USP12: variants seen among roughly 807,000 people sequenced by gnomAD.
USP12 encodes the protein ubiquitin carboxyl-terminal hydrolase 12.
In USP12, 19 loss-of-function variants were observed where a neutral mutation model predicts 45.5. The ratio of observed to expected loss-of-function variants is 0.42; its 90% CI spans 0.29 to 0.61. The LOEUF (loss-of-function observed/expected upper bound fraction) is 0.61. Among genes scored for constraint, USP12 ranks in the 20% least tolerant of loss-of-function variants. The probability of loss-of-function intolerance (pLI) is 0.22; values close to 1 mark genes in which losing one functional copy is unlikely to be tolerated. For missense variants in USP12, 242 were observed against 447.7 expected, an observed-to-expected ratio of 0.54 and a Z score of 4.15; for synonymous variants, 149 against 148.8, an observed-to-expected ratio of 1.00 and a Z score of -0.01.
chr13:27,103,784 A>C (rs1280404451), intron 3 of USP12, among the ~76,000 whole-genome samples: 3 of 150,406 alleles, frequency 2.0e-5, no homozygotes, highest in Admixed American at 6.6e-5. Flanking sequence ...AGAGAGAGAA[A>C]GAGATGAAAA....
chr13:27,099,391 G>A (rs1473141958), intron 3 of USP12, among the ~76,000 whole-genome samples: 2 of 152,096 alleles, frequency 1.3e-5, no homozygotes. Context: ...TCGCTATGTT[G>A]TCCAGGCTGA....
At chr13:27,131,955 A>G (rs1030146606) in intron 1 of USP12, among the ~76,000 whole-genome samples, 1 of 151,788 alleles carries the variant, frequency 6.6e-6, no homozygotes, top group Admixed American at 6.5e-5. Context: ...CTCTCCTTCC[A>G]CAGGCCACCT....
intron 1 of USP12, among the ~76,000 whole-genome samples, chr13:27,159,613 T>C (rs1228082406): frequency 1.3e-5 from 2 of 152,224 alleles, no homozygotes; most frequent in Admixed American, 6.5e-5. Flanking sequence ...CTGTTCTAGA[T>C]TTATCATCTA....
intron 1 of USP12, chr13:27,170,414 G>T: frequency 2.5e-6 from 1 of 398,194 alleles, no homozygotes. Context: ...GCATAAATAG[G>T]GCCAGTGAGG....
chr13:27,149,630 G>A (rs976159922), intron 1 of USP12, among the ~76,000 whole-genome samples: 2 of 152,188 alleles, frequency 1.3e-5, no homozygotes, highest in African/African-American at 4.8e-5. Context: ...GATGTGGGGG[G>A]TGGGAGGAGT....
At chr13:27,142,965 C>T (rs866713997) in intron 1 of USP12, among the ~76,000 whole-genome samples, 17 of 151,968 alleles carry the variant, frequency 1.1e-4, no homozygotes, top group Non-Finnish European at 2.5e-4. Flanking sequence ...TGGTGCCACA[C>T]GCCTGTAGTC....
intron 1 of USP12, among the ~76,000 whole-genome samples, chr13:27,162,319 GA>G (rs1379780503): frequency 5.9e-5 from 9 of 152,154 alleles, no homozygotes; most frequent in African/African-American, 1.9e-4. Flanking sequence ...GAAAAGTCAG[GA>G]ATAAAAATTC....
chr13:27,158,713 G>T (rs1001224092), intron 1 of USP12, among the ~76,000 whole-genome samples: 1 of 151,964 alleles, frequency 6.6e-6, no homozygotes, highest in African/African-American at 2.4e-5. Context: ...ACAGTTTCTG[G>T]CACTTTGTTA....
intron 6 of USP12, among the ~76,000 whole-genome samples, chr13:27,087,885 C>T (rs1020314309): frequency 2.6e-5 from 4 of 152,160 alleles, no homozygotes; most frequent in Non-Finnish European, 5.9e-5. Flanking sequence ...AAACAGGAAC[C>T]TTTGGGTCCA....
intron 4 of USP12, among the ~76,000 whole-genome samples, chr13:27,090,621 T>C (rs2137771227): frequency 6.6e-6 from 1 of 152,330 alleles, no homozygotes; most frequent in South Asian, 2.1e-4. Context: ...AAAAATTTAA[T>C]ATAAAGTTTT....
chr13:27,114,625 T>C (rs1875624706), intron 2 of USP12, among the ~76,000 whole-genome samples: 1 of 152,282 alleles, frequency 6.6e-6, no homozygotes, highest in Admixed American at 6.5e-5. Flanking sequence ...ATAAGAGCCA[T>C]TATCTGTGAC....
rs987043234 is a variant in USP12, at chr13:27,067,376, C to T, written c.*1907G>A. ...CCACTTCCACTGCCCTGACTTTCCC[C>T]ACACTGTTGATTGTGATTCTCTGTG... On this transcript the variant is annotated 3_prime_UTR_variant, in exon 9 of 9. Coordinates refer to ENST00000282344, the MANE Select transcript of USP12 (RefSeq NM_182488.4). 4.6e-5 allele frequency: 7 copies of T among 152,134 alleles called. No individual in the cohort carries two copies. The highest frequency in any genetic ancestry group is 3.3e-4 in the Admixed American group (5 of 15,264). 9.4% of individuals were successfully genotyped at this position (152,134 alleles called of 1,614,324 possible). A position where few individuals can be genotyped will look rare whatever the true frequency, so the allele number is the denominator to read the frequency against.
At chr13:27,092,660 C>A (rs1295297705) in intron 4 of USP12, among the ~76,000 whole-genome samples, 2 of 152,088 alleles carry the variant, frequency 1.3e-5, no homozygotes, top group Non-Finnish European at 2.9e-5. Flanking sequence ...AGATGGACAT[C>A]CACATGCAAA....
At chr13:27,115,155 A>G (rs1875667336) in intron 2 of USP12, among the ~76,000 whole-genome samples, 1 of 152,174 alleles carries the variant, frequency 6.6e-6, no homozygotes. Context: ...GAATCTCTCC[A>G]GGGGATAAAG....
chr13:27,171,489 C>CCG, intron 1 of USP12, 103 bp downstream of exon 1: 1 of 114,300 alleles, frequency 8.7e-6, no homozygotes, highest in Non-Finnish European at 1.7e-5. Context: ...CCGCCCGCCC[C>CCG]GGCGCTAGGC....
chr13:27,088,762 G>A (rs942145729), intron 6 of USP12, among the ~76,000 whole-genome samples: 2 of 152,122 alleles, frequency 1.3e-5, no homozygotes, highest in African/African-American at 4.8e-5. Context: ...GTGCTTGCCT[G>A]GCTTTCTCTT....
intron 1 of USP12, among the ~76,000 whole-genome samples, chr13:27,163,473 C>T (rs1286502101): frequency 6.6e-6 from 1 of 152,182 alleles, no homozygotes; most frequent in Non-Finnish European, 1.5e-5. Context: ...TCTTCTCTCT[C>T]CCAAAACCAC....
intron 1 of USP12, among the ~76,000 whole-genome samples, chr13:27,122,810 G>A (rs1042700372): frequency 2.0e-5 from 3 of 151,994 alleles, no homozygotes; most frequent in Admixed American, 6.6e-5. Flanking sequence ...AACAGGAAAC[G>A]TGGCCAGGCG....
Position 27,092,448 on chromosome 13 carries a change from C to T in USP12, c.574-2290G>A, listed in dbSNP as rs532280180. On this transcript the variant is annotated intron_variant, in intron 4 of 8. Transcript: ENST00000282344. ...GAAGAACAAAGTCAGAGGACTGAGA[C>T]TACCTGACTTTAAGACTTACTCTAA... Among the ~76,000 whole-genome samples, 3 of 152,304 alleles carry T rather than the reference C, an allele frequency of 2.0e-5. No homozygotes were observed. The East Asian group carries it at 5.8e-4, about 29-fold the overall frequency.
Sources: gnomAD v4.1 joint callset for allele counts (sites outside exome capture counted in the v4.1 genomes callset) on GRCh38, gnomAD v4.1.1 for gene constraint, MANE v1.5 for transcripts, NCBI Gene and HGNC (gene_info 2026-07-23, HGNC 2026-07-21) for gene names.